MYOM1: variants seen among roughly 807,000 people sequenced by gnomAD.
MYOM1 encodes myomesin 1.
A neutral mutation model predicts 205.3 loss-of-function variants in MYOM1; 164 were observed. The ratio of observed to expected loss-of-function variants is 0.80; its 90% confidence interval spans 0.70 to 0.91. The LOEUF (loss-of-function observed/expected upper bound fraction) is 0.91. MYOM1 is among the 40% of genes least tolerant of loss of function. The pLI is 0.00. For missense variants in MYOM1, 2,011 were observed against 2,127.3 expected (o/e 0.95, Z 1.08); for synonymous variants, 772 against 789.4 (o/e 0.98, Z 0.37).
At chr18:3,107,792 G>T (rs1188981745) in intron 22 of MYOM1, among the ~76,000 whole-genome samples, 3 of 152,178 alleles carry the variant, frequency 2.0e-5, no homozygotes, top group Admixed American at 2.0e-4. Flanking sequence ...CTGAGCACAG[G>T]CTAAGCTAAC....
chr18:3,071,690 T>C (rs2078960215), intron 37 of MYOM1, 144 bp downstream of exon 37: 1 of 782,882 alleles, frequency 1.3e-6, no homozygotes, highest in Non-Finnish European at 2.1e-6. Flanking sequence ...TTGTGTTTGG[T>C]TACTCTGGTC....
chr18:3,174,747 G>A (rs1329119785), intron 6 of MYOM1, among the ~76,000 whole-genome samples: 3 of 151,364 alleles, frequency 2.0e-5, no homozygotes, highest in African/African-American at 7.3e-5. Flanking sequence ...ACCTCCCTGA[G>A]CCACGTTGGT....
the MYOM1 span, chr18:3,236,324 C>T: frequency 6.6e-6 from 1 of 152,164 alleles, no homozygotes; most frequent in African/African-American, 2.4e-5. Flanking sequence ...AAAGTCCAGG[C>T]TTGAGATGAA....
In MYOM1 at chr18:3,067,015, C is replaced by G. The variant is rs193133358; in HGVS notation, c.*247G>C. The G allele has an allele frequency of 1.2e-4, 56 of 478,068 alleles. No homozygotes were observed. Among genetic ancestry groups the G allele is most frequent in the Admixed American group, 4.4e-4 (13 of 29,392 alleles). The allele number at this position is 478,068 out of a possible 1,614,324, so 29.6% of individuals were successfully genotyped here. A position where few individuals can be genotyped will look rare whatever the true frequency, so the allele number is the denominator to read the frequency against. On this transcript the variant is annotated 3_prime_UTR_variant, in exon 38 of 38. Coordinates refer to ENST00000356443, the MANE Select transcript of MYOM1 (RefSeq NM_003803.4). ...GTCCCTCCAACTTCATTCAAGTCTT[C>G]TCCTTAAAACTGTTTCCTAATCTTC...
intron 2 of MYOM1, among the ~76,000 whole-genome samples, chr18:3,205,720 C>T (rs535466949): frequency 9.2e-5 from 14 of 152,168 alleles, no homozygotes; most frequent in Admixed American, 1.3e-4. Flanking sequence ...AGAAAGTGCA[C>T]GAGAAAGTTT....
In MYOM1 at chr18:3,155,024, G is replaced by C. The variant is rs989664122; in HGVS notation, c.1566C>G (p.Asn522Lys). The change falls in exon 11 of 38, where the codon AAC (asparagine) becomes AAG (lysine). Residue 522 changes from asparagine to lysine, a missense_variant. By Grantham distance (94) the Asn-to-Lys change is moderately conservative. Transcript: ENST00000356443. ...TCCAGGAGATGATGATATAATCTTT[G>C]TTGGCCTCCAAGCACTTCACATCCA... ...APLDVKCLEA[N>K]KDYIIISWKQ... 8 of 1,613,330 alleles carry C rather than the reference G, an allele frequency of 5.0e-6. No individual in the cohort carries two copies. The African/African-American group carries it at 8.0e-5, about 16-fold the overall frequency.
At chr18:3,149,568 T>C (rs928756165) in intron 12 of MYOM1, among the ~76,000 whole-genome samples, 2 of 152,168 alleles carry the variant, frequency 1.3e-5, no homozygotes, top group African/African-American at 4.8e-5. Flanking sequence ...GGGAGAAACA[T>C]TTCCAGAACA....
chr18:3,110,316 G>A (rs1050039430), intron 22 of MYOM1, among the ~76,000 whole-genome samples: 1 of 152,124 alleles, frequency 6.6e-6, no homozygotes, highest in Non-Finnish European at 1.5e-5. Context: ...AATGGGTCAC[G>A]TGTAGTACTG....
At chr18:3,193,314 G>GTATATGTACATATACATA (rs930603166) in intron 3 of MYOM1, among the ~76,000 whole-genome samples, 2 of 140,198 alleles carry the variant, frequency 1.4e-5, no homozygotes, top group African/African-American at 2.7e-5. Context: ...ATATATATAT[G>GTATATGTACATATACATA]TATATGTACA....
At chr18:3,083,428 T>A (rs12969914) in intron 33 of MYOM1, among the ~76,000 whole-genome samples, 4 of 15,106 alleles carry the variant, frequency 2.6e-4, no homozygotes, top group African/African-American at 4.3e-4. Flanking sequence ...TTTCTTTTTC[T>A]TTTTTTTTTT....
intron 1 of MYOM1, 60 bp from the exon 2 acceptor site, chr18:3,215,311 C>A: frequency 1.6e-6 from 2 of 1,282,416 alleles, no homozygotes; most frequent in South Asian, 1.5e-5. Flanking sequence ...TAGACCAAGT[C>A]ATCTAAATCA....
rs775678529 is a variant in MYOM1, at chr18:3,135,735, A to G, written c.2026-5T>C. 1.2e-6 allele frequency: 2 copies of G among 1,613,798 alleles called. No individual in the cohort carries two copies. Among genetic ancestry groups the G allele is most frequent in the Non-Finnish European group, 1.7e-6 (2 of 1,179,812 alleles). On this transcript the variant is annotated splice_polypyrimidine_tract_variant and splice_region_variant and intron_variant, in intron 14 of 37. Coordinates refer to ENST00000356443, the MANE Select transcript of MYOM1 (RefSeq NM_003803.4). This position sits in a 1 kb window ranked among gnomAD's most constrained non-coding sequence, Gnocchi z 4.1. The stretch of plus-strand genomic sequence containing the variant: ...GTTTTCTGTTCCTGCCTCACACTGC[A>G]GCAAGAACAGGGAAACCCATTGAAA...
the MYOM1 span, among the ~76,000 whole-genome samples, chr18:3,225,889 TG>T: frequency 6.6e-6 from 1 of 152,340 alleles, no homozygotes; most frequent in Middle Eastern, 3.4e-3. Flanking sequence ...TGCTTTCCTG[TG>T]GTCTGTCAGG....
intron 19 of MYOM1, 136 bp from the exon 20 acceptor site, chr18:3,120,131 G>C (rs1419104726): frequency 8.3e-7 from 1 of 1,198,116 alleles, no homozygotes; most frequent in East Asian, 2.6e-5. Flanking sequence ...CACCCCTTTT[G>C]TAATCTCCTG....
At chr18:3,246,637 A>T in the MYOM1 span, 1 of 152,336 alleles carries the variant, frequency 6.6e-6, no homozygotes, top group East Asian at 1.9e-4. Context: ...AGAAGATACT[A>T]TTCCGCGGCG....
chr18:3,131,354 A>T (rs749918426), intron 17 of MYOM1, 21 bp downstream of exon 17: 12 of 1,612,124 alleles, frequency 7.4e-6, no homozygotes, highest in African/African-American at 2.7e-5. Flanking sequence ...TCCCCCATAC[A>T]GTTATGCATA....
intron 17 of MYOM1, 58 bp from the exon 18 acceptor site, chr18:3,129,577 C>A: frequency 1.3e-6 from 2 of 1,525,378 alleles, no homozygotes; most frequent in South Asian, 2.6e-5. Context: ...ATCAGCTGCT[C>A]TTATAGGATA....
At chr18:3,191,824 T>G (rs983081633) in intron 3 of MYOM1, among the ~76,000 whole-genome samples, 1 of 151,808 alleles carries the variant, frequency 6.6e-6, no homozygotes, top group African/African-American at 2.4e-5. Context: ...GCCTCCCGAG[T>G]AGCTGGGACT....
intron 10 of MYOM1, among the ~76,000 whole-genome samples, chr18:3,155,428 G>T (rs192686318): frequency 7.9e-5 from 12 of 152,274 alleles, no homozygotes; most frequent in Non-Finnish European, 7.4e-5. Context: ...GTTTCACCGT[G>T]TTAGCCAGGA....
Sources: gnomAD v4.1 joint callset for allele counts (sites outside exome capture counted in the v4.1 genomes callset) on GRCh38, gnomAD v4.1.1 for gene constraint, Gnocchi (gnomAD v3.1) non-coding constraint, MANE v1.5 for transcripts, NCBI Gene and HGNC (gene_info 2026-07-23, HGNC 2026-07-21) for gene names.